The following TEX48 variants were observed in gnomAD, a reference collection of about 807,000 sequenced individuals.
TEX48 encodes the protein testis-expressed protein 48.
In TEX48, 10 loss-of-function variants were observed where a neutral mutation model predicts 13.2. The ratio of observed to expected loss-of-function variants is 0.75; its 90% confidence interval spans 0.47 to 1.28. The LOEUF (loss-of-function observed/expected upper bound fraction) is 1.28, where lower values mean the gene tolerates loss of function less well. Ranked by LOEUF, TEX48 falls within the 50% of genes most tolerant of loss-of-function variation. TEX48 has a pLI of 0.00. For synonymous variants in TEX48, 45 were observed against 52.3 expected, an observed-to-expected ratio of 0.86 and a Z score of 0.60; for missense variants, 116 against 139.4, an observed-to-expected ratio of 0.83 and a Z score of 0.84.
intron 1 of TEX48, among the ~76,000 whole-genome samples, chr9:114,675,948 A>G (rs901922612): frequency 6.6e-6 from 1 of 152,220 alleles, no homozygotes; most frequent in Non-Finnish European, 1.5e-5. Flanking sequence ...CAGGGGCTAC[A>G]GGAAGGCATG....
intron 1 of TEX48, among the ~76,000 whole-genome samples, chr9:114,674,602 T>TTTTC (rs1828018878): frequency 1.8e-5 from 1 of 54,410 alleles, no homozygotes; most frequent in African/African-American, 9.9e-5. Flanking sequence ...TCTCTTTTTC[T>TTTTC]TTCCTTCCTT....
chr9:114,673,791 T>C (rs561348469), intron 1 of TEX48, among the ~76,000 whole-genome samples: 17 of 135,786 alleles, frequency 1.3e-4, no homozygotes, highest in Non-Finnish European at 2.2e-4. Flanking sequence ...ATAGCAAATA[T>C]GTGGGGGTAA....
intron 1 of TEX48, among the ~76,000 whole-genome samples, chr9:114,676,905 C>T (rs746002211): frequency 6.6e-6 from 1 of 152,128 alleles, no homozygotes; most frequent in Non-Finnish European, 1.5e-5. Flanking sequence ...CGTGAGCCAC[C>T]GCGCCTGGCC....
intron 3 of TEX48, among the ~76,000 whole-genome samples, chr9:114,670,265 A>T (rs533706335): frequency 1.5e-4 from 23 of 152,288 alleles, no homozygotes; most frequent in Admixed American, 1.0e-3. Context: ...AATTATCATC[A>T]TTCTTACCTT....
intron 4 of TEX48, 79 bp downstream of exon 4, chr9:114,668,127 C>A: frequency 6.6e-7 from 1 of 1,506,120 alleles, no homozygotes; most frequent in Non-Finnish European, 8.9e-7. Flanking sequence ...GCTGAAGTAT[C>A]AATGGGGTCT....
intron 3 of TEX48, 117 bp downstream of exon 3, chr9:114,671,266 A>T: frequency 8.1e-7 from 1 of 1,228,344 alleles, no homozygotes; most frequent in Non-Finnish European, 1.1e-6. Context: ...CTCATTTTAA[A>T]TTGGAATTAT....
chr9:114,678,869 T>C (rs977670196), intron 1 of TEX48, among the ~76,000 whole-genome samples: 1 of 150,796 alleles, frequency 6.6e-6, no homozygotes, highest in African/African-American at 2.4e-5. Context: ...ATTGTTGACC[T>C]TCAACAATGG....
At chr9:114,676,333 T>G (rs1828063176) in intron 1 of TEX48, among the ~76,000 whole-genome samples, 1 of 151,648 alleles carries the variant, frequency 6.6e-6, no homozygotes, top group African/African-American at 2.4e-5. Flanking sequence ...CCGGTTATAG[T>G]TTTTTTGTTT....
intron 1 of TEX48, among the ~76,000 whole-genome samples, chr9:114,676,622 T>A (rs1385274501): frequency 2.7e-5 from 4 of 148,054 alleles, no homozygotes; most frequent in African/African-American, 9.8e-5. Context: ...TTTATTCACT[T>A]TTTTTTTTTT....
chr9:114,669,378 A>C (rs889422364), intron 3 of TEX48, among the ~76,000 whole-genome samples: 1 of 148,556 alleles, frequency 6.7e-6, no homozygotes, highest in African/African-American at 2.5e-5. Flanking sequence ...TCCTGGGCTC[A>C]AGTGATCATC....
At chr9:114,678,076 A>T (rs1217112194) in intron 1 of TEX48, among the ~76,000 whole-genome samples, 1 of 152,218 alleles carries the variant, frequency 6.6e-6, no homozygotes, top group Non-Finnish European at 1.5e-5. Context: ...CAAAAATCAG[A>T]TTTAAGAGGA....
At chr9:114,675,114 G>A (rs1426327708) in intron 1 of TEX48, among the ~76,000 whole-genome samples, 2 of 152,304 alleles carry the variant, frequency 1.3e-5, no homozygotes. Context: ...AGTACCTAGT[G>A]CAGTGTGGGA....
At position 114,671,486 on chromosome 9, in the gene TEX48, G is replaced by A. The variant is rs1338637052; in HGVS notation, c.24C>T (p.Ile8=). 1 of 1,535,152 alleles carries A rather than the reference G, an allele frequency of 6.5e-7. No individual in the cohort carries two copies. Among genetic ancestry groups the A allele is most frequent in the Non-Finnish European group, 8.7e-7 (1 of 1,146,844 alleles). MAAHQNL[I]LKIFCLCCRD... ...TGCAGCATAAACAGAAGATCTTCAA[G>A]ATCAGGTTTTGGTGGGCTGCTGTTG... Residue 8 remains isoleucine (I), a synonymous_variant, in exon 3 of 5, where the codon ATC becomes ATT. Coordinates refer to ENST00000436752, the MANE Select transcript of TEX48 (RefSeq NM_001199233.2).
At chr9:114,673,914 T>A (rs1158094417) in intron 1 of TEX48, among the ~76,000 whole-genome samples, 2 of 151,984 alleles carry the variant, frequency 1.3e-5, no homozygotes, top group Admixed American at 6.5e-5. Flanking sequence ...CAAGTGATCC[T>A]CCTGCTTCAG....
chr9:114,668,292 C>T lies in TEX48; in HGVS notation c.173G>A (p.Arg58His), dbSNP rs903423606. 9.8e-6 allele frequency: 15 copies of T among 1,535,646 alleles called. No homozygotes were observed. Among genetic ancestry groups the T allele is most frequent in the African/African-American group, 2.7e-5 (2 of 73,142 alleles). ...KDELDRQNPK[R>H]INAVSHLPSR... The stretch of plus-strand genomic sequence containing the variant: ...AGGCAAATGGGAGACTGCGTTAATG[C>T]GCTTGGGATTTTGTCTGTCAAGCTC... Residue 58 changes from arginine (R) to histidine (H), a missense_variant, in exon 4 of 5, where the codon CGC becomes CAC. By Grantham distance (29) the Arg-to-His change is conservative. Coordinates refer to ENST00000436752, the MANE Select transcript of TEX48 (RefSeq NM_001199233.2).
intron 1 of TEX48, among the ~76,000 whole-genome samples, chr9:114,676,907 C>T (rs141844218): frequency 0.028 from 4,280 of 152,242 alleles, 185 homozygotes; most frequent in African/African-American, 0.097. Flanking sequence ...TGAGCCACCG[C>T]GCCTGGCCTT....
rs746084773 is a variant in TEX48, at chr9:114,666,649, C to T, written c.357G>A (p.Arg119=). 76 of 1,525,736 alleles carry T rather than the reference C, an allele frequency of 5.0e-5. No individual in the cohort carries two copies. Among genetic ancestry groups the T allele is most frequent in the South Asian group, 2.2e-4 (18 of 83,598 alleles). 94.5% of individuals were successfully genotyped at this position (1,525,736 alleles called of 1,614,324 possible). A position where few individuals can be genotyped will look rare whatever the true frequency, so the allele number is the denominator to read the frequency against. Residue 119 remains arginine (R), a synonymous_variant, in exon 5 of 5, where the codon AGG becomes AGA. Coordinates refer to ENST00000436752, the MANE Select transcript of TEX48 (RefSeq NM_001199233.2). ...CAGCCGCCGGCTAGAATGCTCAGGG[C>T]CTCCCAGTGAGGCATGGCTGGAATG... is the stretch of plus-strand genomic sequence containing the variant. The part of the protein sequence containing the change: ...HWPFQPCLTG[R]P
At chr9:114,676,747 G>T (rs1828079986) in intron 1 of TEX48, among the ~76,000 whole-genome samples, 1 of 151,900 alleles carries the variant, frequency 6.6e-6, no homozygotes, top group African/African-American at 2.4e-5. Context: ...CTCCCGAGTA[G>T]CTGGGACTAC....
At chr9:114,679,304 A>G (rs1276698938) in intron 1 of TEX48, among the ~76,000 whole-genome samples, 1 of 149,988 alleles carries the variant, frequency 6.7e-6, no homozygotes, top group African/African-American at 2.5e-5. Context: ...TAGATAAAAC[A>G]ACTGGCCCCT....
Sources: allele counts gnomAD v4.1 joint callset (sites outside exome capture counted in the v4.1 genomes callset), GRCh38; gene constraint gnomAD v4.1.1; transcripts MANE v1.5; gene names NCBI Gene and HGNC (gene_info 2026-07-23, HGNC 2026-07-21).